Variants in ASB7 observed in about 807,000 individuals in gnomAD.
ASB7 encodes ankyrin repeat and SOCS box protein 7.
ASB7 carries 4 observed loss-of-function variants against 32.5 expected under a neutral mutation model. The ratio of observed to expected loss-of-function variants is 0.12; its 90% CI spans 0.06 to 0.28. The LOEUF is 0.28. Among genes scored for constraint, ASB7 ranks in the 10% least tolerant of loss-of-function variants. ASB7 has a pLI of 1.00. For missense variants in ASB7, 181 were observed against 407.1 expected (o/e 0.44, Z 4.78); for synonymous variants, 172 against 155.6 (o/e 1.11, Z -0.78).
At chr15:100,636,354 G>A (rs1201279573) in intron 5 of ASB7, among the ~76,000 whole-genome samples, 1 of 152,170 alleles carries the variant, frequency 6.6e-6, no homozygotes, top group African/African-American at 2.4e-5. Flanking sequence ...AACTAAAACT[G>A]GAAGTCTATT....
intron 5 of ASB7, among the ~76,000 whole-genome samples, chr15:100,632,845 T>A: frequency 7.6e-6 from 1 of 130,732 alleles, no homozygotes; most frequent in Non-Finnish European, 1.6e-5. Flanking sequence ...AAAACTCTGA[T>A]CTATATAGTG....
At chr15:100,608,331 C>T (rs2039665256) in intron 2 of ASB7, among the ~76,000 whole-genome samples, 2 of 152,150 alleles carry the variant, frequency 1.3e-5, no homozygotes, top group Non-Finnish European at 2.9e-5. Flanking sequence ...TGTTTGTCAC[C>T]ACCTTGAGGA....
intron 5 of ASB7, chr15:100,645,551 T>G: frequency 1.5e-6 from 1 of 685,974 alleles, no homozygotes; most frequent in Non-Finnish European, 2.8e-6. Flanking sequence ...GAGAGGAGCC[T>G]TACAACTTCT....
rs1567120386 is a variant in ASB7 at position 100,650,141 on chromosome 15, C to T, written c.*1679C>T. The T allele has an allele frequency of 6.6e-6, 1 of 152,274 alleles. No individual in the cohort carries two copies. The highest frequency in any genetic ancestry group is 2.4e-5 in the African/African-American group (1 of 41,448). The allele number at this position is 152,274 out of a possible 1,614,324, so 9.4% of individuals were successfully genotyped here. A position where few individuals can be genotyped will look rare whatever the true frequency, so the allele number is the denominator to read the frequency against. ...ATTATTCGGGAGATTGCTGGTGTGGCCCATAGACTCTTTGGCATAGACTCT... is the reference window on the plus strand; with the variant it reads ...ATTATTCGGGAGATTGCTGGTGTGGTCCATAGACTCTTTGGCATAGACTCT... On this transcript the variant is annotated 3_prime_UTR_variant, in exon 6 of 6. Coordinates refer to ENST00000332783, the MANE Select transcript of ASB7 (RefSeq NM_198243.3).
intron 4 of ASB7, among the ~76,000 whole-genome samples, chr15:100,617,872 G>A (rs937712384): frequency 6.6e-6 from 1 of 152,154 alleles, no homozygotes; most frequent in African/African-American, 2.4e-5. Flanking sequence ...CAGTTTTACA[G>A]AGACAAGACC....
At chr15:100,641,837 A>G (rs1028705483) in intron 5 of ASB7, among the ~76,000 whole-genome samples, 3 of 152,238 alleles carry the variant, frequency 2.0e-5, no homozygotes, top group African/African-American at 7.2e-5. Flanking sequence ...TATTGTAAGC[A>G]CTTTTCCAAA....
At chr15:100,606,303 A>G (rs2039644556) in intron 2 of ASB7, among the ~76,000 whole-genome samples, 1 of 152,188 alleles carries the variant, frequency 6.6e-6, no homozygotes, top group Non-Finnish European at 1.5e-5. Flanking sequence ...TTCTTTGAGT[A>G]ATAAGCCATT....
At chr15:100,604,484 A>T (rs887525158) in intron 2 of ASB7, among the ~76,000 whole-genome samples, 4 of 152,210 alleles carry the variant, frequency 2.6e-5, no homozygotes, top group Non-Finnish European at 5.9e-5. Flanking sequence ...GCAGAAGTTA[A>T]TATTTTTGAT....
intron 5 of ASB7, among the ~76,000 whole-genome samples, chr15:100,641,585 G>A (rs192885359): frequency 2.6e-5 from 4 of 152,188 alleles, no homozygotes; most frequent in Admixed American, 2.0e-4. Context: ...CCTGATTCAA[G>A]TCAGGCAGGG....
chr15:100,630,133 ATATTAATCATTCC>A, intron 5 of ASB7, 91 bp downstream of exon 5: 1 of 1,416,240 alleles, frequency 7.1e-7, no homozygotes, highest in East Asian at 2.5e-5. Context: ...AGATGACTAG[ATATTAATCATTCC>A]TATAACCACT....
chr15:100,645,144 A>G (rs1004048065), intron 5 of ASB7, among the ~76,000 whole-genome samples: 4 of 152,210 alleles, frequency 2.6e-5, no homozygotes, highest in African/African-American at 9.6e-5. Flanking sequence ...GGAGTCCCCA[A>G]GACCCTTTTA....
chr15:100,607,549 T>C (rs2039656675), intron 2 of ASB7, among the ~76,000 whole-genome samples: 1 of 152,244 alleles, frequency 6.6e-6, no homozygotes. Flanking sequence ...CTGGTAAACG[T>C]TGATGCACTA....
chr15:100,619,224 AGGG>A (rs2141393467), intron 4 of ASB7, among the ~76,000 whole-genome samples: 1 of 152,286 alleles, frequency 6.6e-6, no homozygotes, highest in African/African-American at 2.4e-5. Context: ...ACTCCAACTC[AGGG>A]GGCACTGCGT....
intron 2 of ASB7, among the ~76,000 whole-genome samples, chr15:100,606,227 G>T (rs1159749648): frequency 6.6e-6 from 1 of 151,666 alleles, no homozygotes; most frequent in Admixed American, 6.6e-5. Context: ...CGTCGGAGTT[G>T]CTGATTGCAT....
rs375624735 is a variant in ASB7, at chr15:100,629,413, C to G, written c.212-24C>G. The G allele has an allele frequency of 3.2e-6, 5 of 1,578,902 alleles. No individual in the cohort carries two copies. The highest frequency in any genetic ancestry group is 4.3e-6 in the Non-Finnish European group (5 of 1,155,244). ...TGTTTTGTCTTGGAGTCTGCTAATA[C>G]TTTCATTTTGGTTTTAACTCCAGCT... On this transcript the variant is annotated intron_variant, in intron 4 of 5. Transcript: ENST00000332783. The surrounding 1 kb of genome is among the most constrained non-coding windows in gnomAD (Gnocchi z 6.8).
chr15:100,620,900 A>G (rs1406285636), intron 4 of ASB7, among the ~76,000 whole-genome samples: 1 of 152,240 alleles, frequency 6.6e-6, no homozygotes, highest in Non-Finnish European at 1.5e-5. Context: ...AGTTAAGTCT[A>G]TAAAGCAAAT....
At chr15:100,634,886 C>T (rs528733414) in intron 5 of ASB7, among the ~76,000 whole-genome samples, 1 of 152,202 alleles carries the variant, frequency 6.6e-6, no homozygotes, top group Non-Finnish European at 1.5e-5. Context: ...TTCAGTAACA[C>T]AGTCCAGTGG....
intron 4 of ASB7, among the ~76,000 whole-genome samples, chr15:100,617,134 C>T (rs2039750626): frequency 6.6e-6 from 1 of 152,172 alleles, no homozygotes; most frequent in African/African-American, 2.4e-5. Flanking sequence ...GGAGATGCCA[C>T]CCCATTTTTG....
intron 5 of ASB7, among the ~76,000 whole-genome samples, chr15:100,631,102 G>A (rs2039879914): frequency 6.6e-6 from 1 of 152,144 alleles, no homozygotes; most frequent in Non-Finnish European, 1.5e-5. Context: ...ATTCATGGAA[G>A]AAAAGATGCA....
Sources: allele counts gnomAD v4.1 joint callset (sites outside exome capture counted in the v4.1 genomes callset), GRCh38; gene constraint gnomAD v4.1.1; non-coding constraint Gnocchi (gnomAD v3.1); transcripts MANE v1.5; gene names NCBI Gene and HGNC (gene_info 2026-07-23, HGNC 2026-07-21).